Variants in CDH18 observed in about 807,000 individuals in gnomAD.
The protein encoded by CDH18 is cadherin 18.
CDH18 carries 31 observed loss-of-function variants against 67.9 expected under a neutral mutation model. The observed-to-expected ratio is 0.46, with a 90% CI of 0.34 to 0.62. The LOEUF is 0.62. Among genes scored for constraint, CDH18 ranks in the 20% least tolerant of loss-of-function variants. The pLI is 0.01. For synonymous variants in CDH18, 362 were observed against 347.2 expected, an observed-to-expected ratio of 1.04 and a Z score of -0.48; for missense variants, 890 against 975.5, an observed-to-expected ratio of 0.91 and a Z score of 1.17.
chr5:20,167,416 G>C (rs958745544), intron 2 of CDH18, among the ~76,000 whole-genome samples: 1 of 151,720 alleles, frequency 6.6e-6, no homozygotes, highest in African/African-American at 2.4e-5. Flanking sequence ...TTTATTCAAT[G>C]ATGCAAAGAA....
intron 2 of CDH18, among the ~76,000 whole-genome samples, chr5:20,226,210 AT>A (rs1018789689): frequency 2.2e-4 from 33 of 152,114 alleles, no homozygotes; most frequent in Admixed American, 1.4e-3. Context: ...AGCAAAAAAA[AT>A]CTTACTCTTA....
chr5:19,957,388 T>C (rs1796352244), intron 2 of CDH18, among the ~76,000 whole-genome samples: 2 of 151,494 alleles, frequency 1.3e-5, no homozygotes, highest in Non-Finnish European at 1.5e-5. Flanking sequence ...ATCATATACA[T>C]AGAAGGAATA....
chr5:20,030,187 C>T (rs1221903403), intron 2 of CDH18, among the ~76,000 whole-genome samples: 1 of 152,156 alleles, frequency 6.6e-6, no homozygotes, highest in African/African-American at 2.4e-5. Flanking sequence ...GACTTTAGCT[C>T]TTTGAGGCTG....
At chr5:20,505,058 C>T (rs977539413) in intron 1 of CDH18, among the ~76,000 whole-genome samples, 3 of 151,230 alleles carry the variant, frequency 2.0e-5, no homozygotes, top group Non-Finnish European at 2.9e-5. Flanking sequence ...TCGGCCATCG[C>T]GCCTGGCCAC....
chr5:19,912,971 G>T (rs1237860858), intron 2 of CDH18, among the ~76,000 whole-genome samples: 1 of 152,138 alleles, frequency 6.6e-6, no homozygotes, highest in African/African-American at 2.4e-5. Flanking sequence ...ACTATGAGAA[G>T]GCTTTGAAGC....
intron 1 of CDH18, among the ~76,000 whole-genome samples, chr5:20,290,673 G>T (rs760612049): frequency 6.6e-6 from 1 of 152,206 alleles, no homozygotes; most frequent in East Asian, 1.9e-4. Context: ...TGCTTGATTC[G>T]GAAGACAGTC....
At chr5:19,823,166 A>G (rs1458981905) in intron 3 of CDH18, among the ~76,000 whole-genome samples, 1 of 152,140 alleles carries the variant, frequency 6.6e-6, no homozygotes, top group Non-Finnish European at 1.5e-5. Context: ...CCCAGATTTC[A>G]TATTGTTCAA....
intron 2 of CDH18, among the ~76,000 whole-genome samples, chr5:20,185,275 T>C (rs1013576114): frequency 2.0e-5 from 3 of 152,170 alleles, no homozygotes; most frequent in South Asian, 2.1e-4. Flanking sequence ...CAGTCCACTA[T>C]ATATTAGCCT....
intron 3 of CDH18, among the ~76,000 whole-genome samples, chr5:19,783,418 C>T (rs1464960805): frequency 6.6e-6 from 1 of 152,054 alleles, no homozygotes; most frequent in East Asian, 1.9e-4. Context: ...CATATATTTC[C>T]ATTTTAATAT....
intron 1 of CDH18, among the ~76,000 whole-genome samples, chr5:20,296,175 A>G (rs1217007550): frequency 6.6e-6 from 1 of 150,872 alleles, no homozygotes; most frequent in African/African-American, 2.4e-5. Flanking sequence ...CGCCTGGCCG[A>G]CAAATTTTCA....
intron 1 of CDH18, among the ~76,000 whole-genome samples, chr5:20,469,378 T>A (rs943673220): frequency 2.0e-5 from 3 of 152,164 alleles, no homozygotes; most frequent in African/African-American, 7.2e-5. Flanking sequence ...AAATAAAACA[T>A]TTAATTAAAG....
chr5:20,303,027 T>C (rs1009094234), intron 1 of CDH18, among the ~76,000 whole-genome samples: 5 of 151,512 alleles, frequency 3.3e-5, no homozygotes, highest in Admixed American at 3.3e-4. Context: ...ATATCAAGTG[T>C]ATATTATACT....
chr5:20,469,140 T>C (rs1328764032), intron 1 of CDH18, among the ~76,000 whole-genome samples: 1 of 152,110 alleles, frequency 6.6e-6, no homozygotes, highest in East Asian at 1.9e-4. Flanking sequence ...GGAAAGGCAT[T>C]AAATAGAATG....
At chr5:19,786,376 T>C (rs1185446203) in intron 3 of CDH18, among the ~76,000 whole-genome samples, 1 of 152,184 alleles carries the variant, frequency 6.6e-6, no homozygotes, top group Non-Finnish European at 1.5e-5. Context: ...ATATGTTAGT[T>C]TACTTTGTAT....
At chr5:20,465,483 GAAATTTACTTT>G (rs56158990) in intron 1 of CDH18, among the ~76,000 whole-genome samples, 75,721 of 151,334 alleles carry the variant, frequency 0.5, 19,209 homozygotes, top group Middle Eastern at 0.52. Flanking sequence ...ATAAAAAGTT[GAAATTTACTTT>G]AAAAAGTCAA....
At chr5:20,427,953 G>C (rs112116150) in intron 1 of CDH18, among the ~76,000 whole-genome samples, 24 of 150,972 alleles carry the variant, frequency 1.6e-4, no homozygotes, top group Admixed American at 6.6e-4. Context: ...TTTACTTTAA[G>C]TTCTAGGATA....
intron 2 of CDH18, among the ~76,000 whole-genome samples, chr5:20,070,950 AT>A (rs1445514529): frequency 6.6e-6 from 1 of 152,178 alleles, no homozygotes; most frequent in East Asian, 1.9e-4. Context: ...TTTTAGAAAT[AT>A]TTCCTACCAT....
At chr5:19,861,097 T>C (rs1389406606) in intron 2 of CDH18, among the ~76,000 whole-genome samples, 1 of 152,182 alleles carries the variant, frequency 6.6e-6, no homozygotes, top group Non-Finnish European at 1.5e-5. Context: ...CAGAACGTTA[T>C]TAAGTGTTCC....
At chr5:19,951,394 AT>A (rs1795769265) in intron 2 of CDH18, among the ~76,000 whole-genome samples, 1 of 152,090 alleles carries the variant, frequency 6.6e-6, no homozygotes, top group Admixed American at 6.6e-5. Context: ...TAGTATTTGT[AT>A]TTTCTCTAGT....
Sources: gnomAD v4.1 joint callset for allele counts (sites outside exome capture counted in the v4.1 genomes callset) on GRCh38, gnomAD v4.1.1 for gene constraint, MANE v1.5 for transcripts, NCBI Gene and HGNC (gene_info 2026-07-23, HGNC 2026-07-21) for gene names.